The following USF2 variants were observed in gnomAD, a reference collection of about 807,000 sequenced individuals.
USF2 encodes upstream transcription factor 2, c-fos interacting.
USF2 carries 16 observed loss-of-function variants against 46.9 expected under a neutral mutation model. That is an observed-to-expected ratio of 0.34 (90% CI 0.23 to 0.52). USF2 has a LOEUF of 0.52. USF2 is among the 20% of genes least tolerant of loss of function. The pLI, the probability that USF2 is intolerant of heterozygous loss-of-function variation, is 0.96. For missense variants in USF2, 411 were observed against 474.0 expected (o/e 0.87, Z 1.23); for synonymous variants, 239 against 194.1 (o/e 1.23, Z -1.92).
At chr19:35,269,406 CGGG>C in intron 1 of USF2, 37 bp from the exon 2 acceptor site, 1 of 1,361,400 alleles carries the variant, frequency 7.3e-7, no homozygotes. Flanking sequence ...GGCGCGGGCG[CGGG>C]CCGCGCTGAC....
chr19:35,277,124 C>G (rs1052416556), intron 7 of USF2: 1 of 152,400 alleles, frequency 6.6e-6, no homozygotes, highest in Admixed American at 6.5e-5. Flanking sequence ...CCTGGACTCT[C>G]AGCTCCGCTG....
At chr19:35,277,836 T>A (rs2066255549) in intron 7 of USF2, 1 of 152,102 alleles carries the variant, frequency 6.6e-6, no homozygotes, top group Admixed American at 6.5e-5. Flanking sequence ...AGGTCCTGAG[T>A]CAGGGGTCTC....
chr19:35,269,383 G>A (rs906492554), intron 1 of USF2, 63 bp from the exon 2 acceptor site: 4 of 1,292,838 alleles, frequency 3.1e-6, no homozygotes, highest in Admixed American at 8.3e-5. Context: ...CTGCAGCTGG[G>A]CGCGGGGGCG....
In USF2 at chr19:35,278,940, C is replaced by T; in HGVS notation, c.823-6C>T. ...CCCTAAGGCTCCTGGTCCCCTCGCCCCCCAGAGTAAAGGAGGGATCCTGTC... is the reference window on the plus strand; with the variant it reads ...CCCTAAGGCTCCTGGTCCCCTCGCCTCCCAGAGTAAAGGAGGGATCCTGTC... On this transcript the variant is annotated splice_region_variant and splice_polypyrimidine_tract_variant and intron_variant, in intron 8 of 9. Transcript: ENST00000222305. 1 of 1,555,898 alleles carries T rather than the reference C, an allele frequency of 6.4e-7. No individual in the cohort carries two copies. Among genetic ancestry groups the T allele is most frequent in the Non-Finnish European group, 8.7e-7 (1 of 1,150,930 alleles).
chr19:35,279,377 T>C lies in USF2; in HGVS notation c.*121T>C. The C allele has an allele frequency of 8.8e-7, 1 of 1,131,880 alleles. No individual in the cohort carries two copies. Among genetic ancestry groups the C allele is most frequent in the Non-Finnish European group, 1.2e-6 (1 of 846,370 alleles). 70.1% of individuals were successfully genotyped at this position (1,131,880 alleles called of 1,614,324 possible). On this transcript the variant is annotated 3_prime_UTR_variant, in exon 10 of 10. Transcript: ENST00000222305. ...CAGCTGCGTTTTTTTATAGTAGATT[T>C]TTAACAAAAAACGGGGAGAAATAAT...
At chr19:35,269,389 G>T in intron 1 of USF2, 57 bp from the exon 2 acceptor site, 1 of 1,312,684 alleles carries the variant, frequency 7.6e-7, no homozygotes, top group Non-Finnish European at 9.7e-7. Context: ...CTGGGCGCGG[G>T]GGCGGGGGCG....
In USF2 at chr19:35,270,433, C is replaced by T. The variant is rs758748126; in HGVS notation, c.430-14C>T. ...GAGAAAGCTAAGGGTAGCCTCTGCCCTCCTACTCCCCAGGCTGTGATCCAA... is the reference window on the plus strand; with the variant it reads ...GAGAAAGCTAAGGGTAGCCTCTGCCTTCCTACTCCCCAGGCTGTGATCCAA... On this transcript the variant is annotated splice_polypyrimidine_tract_variant and intron_variant, in intron 4 of 9. Transcript: ENST00000222305. 6.8e-6 allele frequency: 11 copies of T among 1,608,896 alleles called. No individual in the cohort carries two copies. In the Admixed American group the frequency reaches 1.0e-4, roughly 15 times the overall value.
chr19:35,271,182 C>G, intron 7 of USF2, 41 bp downstream of exon 7: 1 of 1,612,162 alleles, frequency 6.2e-7, no homozygotes, highest in Non-Finnish European at 8.5e-7. Context: ...TGACCACCAC[C>G]CTCACAGGCT....
chr19:35,269,862 T>C lies in USF2; in HGVS notation c.288T>C (p.Ala96=). The C allele has an allele frequency of 1.4e-6, 2 of 1,426,414 alleles. No individual in the cohort carries two copies. Among genetic ancestry groups the C allele is most frequent in the Non-Finnish European group, 1.8e-6 (2 of 1,098,708 alleles). 88.4% of individuals were successfully genotyped at this position (1,426,414 alleles called of 1,614,324 possible). ...AGCTGGACGGCCAGGGCGACACAGC[T>C]GGCGCCGTCAGCGTCGTGTCCACCG... The part of the protein sequence containing the change: ...DGQLDGQGDT[A]GAVSVVSTAA... The change falls in exon 4 of 10, where the codon GCT becomes GCC. Residue 96 remains alanine, a synonymous_variant. Coordinates refer to ENST00000222305, the MANE Select transcript of USF2 (RefSeq NM_003367.4).
rs774209183 is a variant in USF2, at chr19:35,269,690, T to C, written c.219T>C (p.Asn73=). 1.6e-6 allele frequency: 2 copies of C among 1,236,876 alleles called. No homozygotes were observed. The highest frequency in any genetic ancestry group is 7.0e-5 in the East Asian group (1 of 14,268). 76.6% of individuals were successfully genotyped at this position (1,236,876 alleles called of 1,614,324 possible). ...NIQYQFRTET[N]GGQVTYRVVQ... The stretch of plus-strand genomic sequence containing the variant: ...AGTACCAGTTCCGCACAGAGACAAA[T>C]GGAGGACAGGTGAGCGGCGGGCCGC... The change falls in exon 3 of 10, where the codon AAT becomes AAC. Residue 73 remains asparagine, a synonymous_variant. Coordinates refer to ENST00000222305, the MANE Select transcript of USF2 (RefSeq NM_003367.4).
chr19:35,272,482 A>G (rs560300403), intron 7 of USF2, among the ~76,000 whole-genome samples: 3 of 152,266 alleles, frequency 2.0e-5, no homozygotes, highest in East Asian at 3.9e-4. Flanking sequence ...GCCCTGAGCC[A>G]GGGCCGCCAT....
chr19:35,272,421 G>C (rs2066170613), intron 7 of USF2, among the ~76,000 whole-genome samples: 1 of 152,090 alleles, frequency 6.6e-6, no homozygotes, highest in Non-Finnish European at 1.5e-5. Flanking sequence ...GGGGCCTGTT[G>C]AGAACCTCAG....
At chr19:35,272,513 G>C (rs573788533) in intron 7 of USF2, among the ~76,000 whole-genome samples, 5 of 152,170 alleles carry the variant, frequency 3.3e-5, no homozygotes, top group Non-Finnish European at 7.3e-5. Flanking sequence ...CAGAAGAGCA[G>C]AATTCAGGAA....
chr19:35,274,645 A>T (rs1394181887), intron 7 of USF2, among the ~76,000 whole-genome samples: 2 of 152,216 alleles, frequency 1.3e-5, no homozygotes, highest in African/African-American at 4.8e-5. Flanking sequence ...CTACCAAAAA[A>T]ATTAAAAATT....
intron 1 of USF2, 127 bp from the exon 2 acceptor site, chr19:35,269,319 C>G: frequency 2.2e-6 from 2 of 909,668 alleles, no homozygotes; most frequent in Non-Finnish European, 2.6e-6. Flanking sequence ...CGCCCCCGGC[C>G]CCCGGCCTCG....
intron 7 of USF2, among the ~76,000 whole-genome samples, chr19:35,276,084 T>C (rs974885422): frequency 2.0e-5 from 3 of 149,042 alleles, no homozygotes; most frequent in Non-Finnish European, 3.0e-5. Flanking sequence ...TTTTTTTTTT[T>C]TTTTTGAGAC....
chr19:35,270,804 C>A lies in USF2; in HGVS notation c.667C>A (p.Pro223Thr). 6.2e-7 allele frequency: 1 copy of A among 1,614,130 alleles called. No homozygotes were observed. Among genetic ancestry groups the A allele is most frequent in the Non-Finnish European group, 8.5e-7 (1 of 1,180,014 alleles). ...TIAPRTHPYSPKIDGTRTPRD... is the reference protein window; with the variant it reads ...TIAPRTHPYSTKIDGTRTPRD... The stretch of plus-strand genomic sequence containing the variant: ...CGCCCCCCGGACACACCCTTACTCT[C>A]CGTATGTGCAGGGGACACCTGGAGG... Residue 223 changes from proline (P) to threonine (T), a missense_variant and splice_region_variant, in exon 6 of 10, where the codon CCA becomes ACA. Pro to Thr is a conservative substitution (Grantham distance 38). Transcript: ENST00000222305.
chr19:35,269,246 C>T (rs1244413146), intron 1 of USF2, 83 bp downstream of exon 1: 34 of 963,026 alleles, frequency 3.5e-5, no homozygotes, highest in African/African-American at 7.3e-5. Flanking sequence ...CGCCATGATC[C>T]CGAGCGGCCG....
chr19:35,279,325 C>T lies in USF2; in HGVS notation c.*69C>T. ...TGCTGCCCCCTTCCCCAGCCCTTAG[C>T]ACAGAGAGGGACACATGCCCCTCCC... On this transcript the variant is annotated 3_prime_UTR_variant, in exon 10 of 10. Coordinates refer to ENST00000222305, the MANE Select transcript of USF2 (RefSeq NM_003367.4). 7.1e-7 allele frequency: 1 copy of T among 1,405,812 alleles called. No individual in the cohort carries two copies. The highest frequency in any genetic ancestry group is 1.5e-5 in the African/African-American group (1 of 68,362). 87.1% of individuals were successfully genotyped at this position (1,405,812 alleles called of 1,614,324 possible). A position where few individuals can be genotyped will look rare whatever the true frequency, so the allele number is the denominator to read the frequency against.
Sources: allele counts gnomAD v4.1 joint callset (sites outside exome capture counted in the v4.1 genomes callset), GRCh38; gene constraint gnomAD v4.1.1; transcripts MANE v1.5; gene names NCBI Gene and HGNC (gene_info 2026-07-23, HGNC 2026-07-21).